Variants in HMBOX1 observed in about 807,000 individuals in gnomAD.
The protein encoded by HMBOX1 is homeobox containing 1, also known as homeobox-containing protein 1.
In HMBOX1, 14 loss-of-function variants were observed where a neutral mutation model predicts 54.5. The ratio of observed to expected loss-of-function variants is 0.26; its 90% CI spans 0.17 to 0.40. The LOEUF (loss-of-function observed/expected upper bound fraction) is 0.40, where lower values mean the gene tolerates loss of function less well. Ranked by LOEUF, HMBOX1 falls within the 10% of genes least tolerant of loss-of-function variation. The pLI is 1.00. For synonymous variants in HMBOX1, 160 were observed against 181.0 expected (o/e 0.88, Z 0.93); for missense variants, 332 against 514.4 (o/e 0.65, Z 3.43).
intron 1 of HMBOX1, among the ~76,000 whole-genome samples, chr8:28,914,901 C>T (rs773187201): frequency 2.0e-5 from 3 of 152,072 alleles, no homozygotes; most frequent in Non-Finnish European, 2.9e-5. Context: ...AAGGAAATTC[C>T]GCAGAACATA....
chr8:29,020,852 G>C (rs2133026669), intron 6 of HMBOX1, among the ~76,000 whole-genome samples: 1 of 152,238 alleles, frequency 6.6e-6, no homozygotes, highest in East Asian at 1.9e-4. Flanking sequence ...TGTAAAACCA[G>C]CAAAGTAAGC....
At chr8:28,915,879 T>C (rs1816449371) in intron 1 of HMBOX1, 1 of 152,144 alleles carries the variant, frequency 6.6e-6, no homozygotes. Context: ...TTAATTTTAA[T>C]AACAGGTTTT....
chr8:28,896,714 T>TTTTATC lies in HMBOX1; in HGVS notation c.-58+6036_-58+6037insTTTATC, dbSNP rs1812186887. Among the ~76,000 whole-genome samples, 2 of 123,884 alleles carry TTTTATC rather than the reference T, an allele frequency of 1.6e-5. 1 individual carries two copies. Among genetic ancestry groups the TTTTATC allele is most frequent in the Non-Finnish European group, 4.0e-5 (2 of 50,094 alleles). 81.3% of individuals were successfully genotyped at this position (123,884 alleles called of 152,430 possible). On this transcript the variant is annotated intron_variant, in intron 1 of 9. Coordinates refer to ENST00000287701, the MANE Select transcript of HMBOX1 (RefSeq NM_001135726.3). ...CAATGTTTAATACAGTAACATGCTG[T>TTTTATC]ACAGGTTTGTAGCCTAGGAGCAATA...
chr8:28,910,296 C>A (rs757967142), intron 1 of HMBOX1, among the ~76,000 whole-genome samples: 35 of 152,150 alleles, frequency 2.3e-4, no homozygotes, highest in Non-Finnish European at 4.6e-4. Flanking sequence ...TAAAATACCA[C>A]ATTTTGTTTG....
chr8:28,975,572 A>C (rs551035390), intron 3 of HMBOX1, among the ~76,000 whole-genome samples: 1 of 152,200 alleles, frequency 6.6e-6, no homozygotes, highest in East Asian at 1.9e-4. Context: ...TGAATCTAGC[A>C]TGGCAATGAC....
chr8:28,977,336 T>C (rs552603544), intron 3 of HMBOX1, among the ~76,000 whole-genome samples: 51 of 152,362 alleles, frequency 3.3e-4, no homozygotes, highest in Non-Finnish European at 6.2e-4. Context: ...ATAAATATTC[T>C]CTTAAATTCA....
intron 1 of HMBOX1, among the ~76,000 whole-genome samples, chr8:28,904,245 ATC>A (rs1310347135): frequency 6.7e-6 from 1 of 149,958 alleles, no homozygotes; most frequent in Non-Finnish European, 1.5e-5. Flanking sequence ...TTTCTTCCAA[ATC>A]TCTTTTTTTT....
intron 4 of HMBOX1, among the ~76,000 whole-genome samples, chr8:28,994,890 T>C (rs768453956): frequency 2.0e-5 from 3 of 152,110 alleles, no homozygotes; most frequent in Non-Finnish European, 4.4e-5. Context: ...TAAGAACAAT[T>C]TAATTGCAAG....
intron 1 of HMBOX1, among the ~76,000 whole-genome samples, chr8:28,923,607 G>A (rs1817907085): frequency 6.6e-6 from 1 of 152,126 alleles, no homozygotes; most frequent in South Asian, 2.1e-4. Flanking sequence ...GTAATCTAGA[G>A]ATGCTTTAAA....
intron 1 of HMBOX1, among the ~76,000 whole-genome samples, chr8:28,896,636 C>G (rs1206380024): frequency 7.8e-6 from 1 of 127,392 alleles, no homozygotes; most frequent in Non-Finnish European, 1.9e-5. Flanking sequence ...TTTAACTGTA[C>G]TTTTTCCAAG....
chr8:28,948,596 G>T (rs1417769317), intron 1 of HMBOX1, among the ~76,000 whole-genome samples: 3 of 152,100 alleles, frequency 2.0e-5, no homozygotes, highest in African/African-American at 7.2e-5. Flanking sequence ...TGAATGACAT[G>T]CATTTAGTAG....
At chr8:28,943,180 G>C (rs1342709042) in intron 1 of HMBOX1, among the ~76,000 whole-genome samples, 1 of 152,184 alleles carries the variant, frequency 6.6e-6, no homozygotes, top group Non-Finnish European at 1.5e-5. Flanking sequence ...AGGGTCTCTG[G>C]CTGGACCCAA....
At chr8:28,958,312 T>A (rs1361963123) in intron 1 of HMBOX1, among the ~76,000 whole-genome samples, 1 of 152,158 alleles carries the variant, frequency 6.6e-6, no homozygotes, top group South Asian at 2.1e-4. Flanking sequence ...TTTCTAGACA[T>A]TGTATTGCCA....
intron 4 of HMBOX1, among the ~76,000 whole-genome samples, chr8:29,001,043 G>GT (rs1196326321): frequency 6.6e-6 from 1 of 152,102 alleles, no homozygotes; most frequent in Non-Finnish European, 1.5e-5. Flanking sequence ...GTTTTCAGAG[G>GT]TTTTTACTTC....
chr8:28,935,528 A>G (rs1174378186), intron 1 of HMBOX1, among the ~76,000 whole-genome samples: 1 of 152,170 alleles, frequency 6.6e-6, no homozygotes, highest in Non-Finnish European at 1.5e-5. Context: ...ATTTCATACT[A>G]TATACAGAAA....
At chr8:29,033,316 A>G (rs1024209899) in intron 6 of HMBOX1, among the ~76,000 whole-genome samples, 17 of 152,202 alleles carry the variant, frequency 1.1e-4, no homozygotes, top group Admixed American at 1.1e-3. Flanking sequence ...TCCTTATGGA[A>G]TGACTCGGGT....
intron 5 of HMBOX1, among the ~76,000 whole-genome samples, chr8:29,013,057 A>C (rs1834412750): frequency 6.6e-6 from 1 of 152,260 alleles, no homozygotes; most frequent in South Asian, 2.1e-4. Context: ...TTAAGCATTT[A>C]GAAAACAAAA....
rs551137141 is a variant in HMBOX1 at position 28,896,107 on chromosome 8, A to G, written c.-58+5429A>G. Among the ~76,000 whole-genome samples the G allele has an allele frequency of 1.1e-3, 174 of 152,302 alleles. 1 individual carries two copies. Among genetic ancestry groups the G allele is most frequent in the African/African-American group, 4.1e-3 (169 of 41,568 alleles). ...CTATGTGACCTTGGGCAAATCATTT[A>G]AAATGTCTGTACCTCAGCTTCCCCA... On this transcript the variant is annotated intron_variant, in intron 1 of 9. Coordinates refer to ENST00000287701, the MANE Select transcript of HMBOX1 (RefSeq NM_001135726.3).
chr8:29,021,573 C>T lies in HMBOX1; in HGVS notation c.851+2660C>T, dbSNP rs1052010661. On this transcript the variant is annotated intron_variant, in intron 6 of 9. Transcript: ENST00000287701. ...TTGAACATATGAAAATATGCTCAAT[C>T]GGCCAGGCGCGGTGGCTCATGTCTG... 9.2e-5 allele frequency among the ~76,000 whole-genome samples: 14 copies of T among 151,934 alleles called. No homozygotes were observed. In the South Asian group the frequency reaches 1.0e-3, roughly 11 times the overall value.
Sources: allele counts gnomAD v4.1 joint callset (sites outside exome capture counted in the v4.1 genomes callset), GRCh38; gene constraint gnomAD v4.1.1; transcripts MANE v1.5; gene names NCBI Gene and HGNC (gene_info 2026-07-23, HGNC 2026-07-21).